Variants in INSYN2B observed in about 807,000 individuals in gnomAD.
INSYN2B encodes the protein inhibitory synaptic factor family member 2B, also known as protein INSYN2B.
INSYN2B carries 16 observed loss-of-function variants against 41.2 expected under a neutral mutation model. The ratio of observed to expected loss-of-function variants is 0.39; its 90% CI spans 0.26 to 0.59. The LOEUF is 0.59. Among genes scored for constraint, INSYN2B ranks in the 20% least tolerant of loss-of-function variants. The pLI, the probability that INSYN2B is intolerant of heterozygous loss-of-function variation, is 0.57. For missense variants in INSYN2B, 608 were observed against 646.4 expected (o/e 0.94, Z 0.64); for synonymous variants, 245 against 244.4 (o/e 1.00, Z -0.02).
chr5:169,893,705 C>A (rs1186252628), intron 1 of INSYN2B, among the ~76,000 whole-genome samples: 3 of 152,128 alleles, frequency 2.0e-5, no homozygotes, highest in African/African-American at 7.2e-5. Context: ...CAGAAAAAAA[C>A]AACAGGAAGC....
At chr5:169,975,651 T>C (rs1777690714) in intron 1 of INSYN2B, among the ~76,000 whole-genome samples, 1 of 152,236 alleles carries the variant, frequency 6.6e-6, no homozygotes. Flanking sequence ...AAGAGGCCAC[T>C]ATGATCCATC....
chr5:169,933,237 G>A (rs1289969339), intron 1 of INSYN2B, among the ~76,000 whole-genome samples: 1 of 152,236 alleles, frequency 6.6e-6, no homozygotes, highest in African/African-American at 2.4e-5. Flanking sequence ...TTTACTAGTA[G>A]CTTCCCCTAC....
intron 1 of INSYN2B, among the ~76,000 whole-genome samples, chr5:169,950,736 T>C (rs1364591527): frequency 6.6e-6 from 1 of 152,226 alleles, no homozygotes; most frequent in Non-Finnish European, 1.5e-5. Context: ...CACAGCATCA[T>C]TTGATCTCTT....
chr5:169,932,637 G>T (rs917037956), intron 1 of INSYN2B, among the ~76,000 whole-genome samples: 9 of 152,030 alleles, frequency 5.9e-5, no homozygotes, highest in African/African-American at 9.7e-5. Context: ...GTTGTTTTAA[G>T]TAATCCAAAC....
chr5:169,893,238 G>GGCTGCTGCT (rs148410878), intron 1 of INSYN2B, among the ~76,000 whole-genome samples: 39 of 151,986 alleles, frequency 2.6e-4, no homozygotes, highest in African/African-American at 2.4e-5. Flanking sequence ...CAGAGGCATT[G>GGCTGCTGCT]GCTGCTGCTG....
chr5:169,876,524 C>T (rs919305697), intron 3 of INSYN2B, among the ~76,000 whole-genome samples: 2 of 152,198 alleles, frequency 1.3e-5, no homozygotes, highest in East Asian at 3.8e-4. Flanking sequence ...GGACAGAAGT[C>T]CTGGGCAATA....
In INSYN2B at chr5:169,932,130, C is replaced by A. The variant is rs569615237; in HGVS notation, c.-918-47314G>T. Among the ~76,000 whole-genome samples, 202 of 152,216 alleles carry A rather than the reference C, an allele frequency of 1.3e-3. 2 individuals carry two copies. In the South Asian group the frequency reaches 0.041, roughly 31 times the overall value. On this transcript the variant is annotated intron_variant, in intron 1 of 3. Transcript: ENST00000377365. ...ACTGCTATATAGTGAGATAAAGTGG[C>A]GTAAGAGCATATGATGGAGGTGACA...
At chr5:169,911,918 G>T (rs529706869) in intron 1 of INSYN2B, among the ~76,000 whole-genome samples, 1 of 152,208 alleles carries the variant, frequency 6.6e-6, no homozygotes, top group Admixed American at 6.5e-5. Flanking sequence ...GTCTCATGGG[G>T]CTATTAAATA....
Position 169,881,385 on chromosome 5 carries a change from C to A in INSYN2B, c.1404G>T (p.Thr468=). 6.4e-7 allele frequency: 1 copy of A among 1,551,474 alleles called. No individual in the cohort carries two copies. Among genetic ancestry groups the A allele is most frequent in the African/African-American group, 1.4e-5 (1 of 73,136 alleles). Residue 468 remains threonine (T), a synonymous_variant, in exon 3 of 4, where the codon ACG becomes ACT. Coordinates refer to ENST00000377365, the MANE Select transcript of INSYN2B (RefSeq NM_001129891.3). ...DLNNCSTCQN[T]ACIIYSVEYD... is the part of the protein sequence containing the mutation. ...CCAGGTACCTGTATATGATGCACGC[C>A]GTGTTCTGGCAGGTACTGCAATTGT...
chr5:169,921,905 C>T (rs988564667), intron 1 of INSYN2B, among the ~76,000 whole-genome samples: 1 of 152,028 alleles, frequency 6.6e-6, no homozygotes, highest in Non-Finnish European at 1.5e-5. Context: ...TGTGATAGCC[C>T]CTTGACAGTA....
intron 1 of INSYN2B, among the ~76,000 whole-genome samples, chr5:169,951,741 A>G (rs572326943): frequency 6.6e-6 from 1 of 152,358 alleles, no homozygotes; most frequent in African/African-American, 2.4e-5. Context: ...GATTGTGCTC[A>G]AGTTTTGACT....
intron 1 of INSYN2B, among the ~76,000 whole-genome samples, chr5:169,957,475 G>A (rs1338107143): frequency 6.6e-6 from 1 of 152,156 alleles, no homozygotes; most frequent in African/African-American, 2.4e-5. Context: ...GCCCTGTAAG[G>A]AGAAGTATAC....
intron 1 of INSYN2B, among the ~76,000 whole-genome samples, chr5:169,974,932 C>T (rs1236111684): frequency 6.6e-6 from 1 of 151,936 alleles, no homozygotes; most frequent in Admixed American, 6.6e-5. Context: ...GAATGATAAC[C>T]CCTCTCCTGG....
intron 1 of INSYN2B, among the ~76,000 whole-genome samples, chr5:169,923,483 G>GCGCACACACA (rs555621064): frequency 8.7e-5 from 13 of 148,926 alleles, no homozygotes; most frequent in African/African-American, 3.2e-4. Context: ...ATGCACGTGG[G>GCGCACACACA]CACACACACA....
At chr5:169,957,717 T>C (rs1380792790) in intron 1 of INSYN2B, among the ~76,000 whole-genome samples, 1 of 152,166 alleles carries the variant, frequency 6.6e-6, no homozygotes, top group Non-Finnish European at 1.5e-5. Context: ...TACCCTGGCT[T>C]TGTGGGGTGA....
chr5:169,868,398 C>T (rs1771732030), intron 3 of INSYN2B, among the ~76,000 whole-genome samples: 1 of 152,184 alleles, frequency 6.6e-6, no homozygotes, highest in Non-Finnish European at 1.5e-5. Context: ...CTTCATAATT[C>T]AAATAAACAA....
At chr5:169,933,459 A>G (rs973199886) in intron 1 of INSYN2B, among the ~76,000 whole-genome samples, 1 of 152,252 alleles carries the variant, frequency 6.6e-6, no homozygotes, top group Non-Finnish European at 1.5e-5. Context: ...CTGGTAAATC[A>G]GTCATTATCC....
At chr5:169,958,642 A>G (rs1413805692) in intron 1 of INSYN2B, among the ~76,000 whole-genome samples, 1 of 152,044 alleles carries the variant, frequency 6.6e-6, no homozygotes, top group African/African-American at 2.4e-5. Flanking sequence ...TATAGGAACA[A>G]TGTCACATTT....
intron 1 of INSYN2B, among the ~76,000 whole-genome samples, chr5:169,914,756 A>G (rs1774784451): frequency 6.6e-6 from 1 of 152,178 alleles, no homozygotes; most frequent in South Asian, 2.1e-4. Context: ...AGGGTCTTTT[A>G]GCCACCTTTG....
Sources: allele counts gnomAD v4.1 joint callset (sites outside exome capture counted in the v4.1 genomes callset), GRCh38; gene constraint gnomAD v4.1.1; transcripts MANE v1.5; gene names NCBI Gene and HGNC (gene_info 2026-07-23, HGNC 2026-07-21).